FSTL4: variants seen among roughly 807,000 people sequenced by gnomAD.
FSTL4 encodes the protein follistatin like 4.
FSTL4 carries 28 observed loss-of-function variants against 78.2 expected under a neutral mutation model. That is an observed-to-expected ratio of 0.36 (90% CI 0.27 to 0.49). The LOEUF (loss-of-function observed/expected upper bound fraction) is 0.49, where lower values mean the gene tolerates loss of function less well. FSTL4 is among the 20% of genes least tolerant of loss of function. The pLI is 0.98. For missense variants in FSTL4, 922 were observed against 1,084.9 expected (o/e 0.85, Z 2.11); for synonymous variants, 422 against 440.5 (o/e 0.96, Z 0.53).
intron 2 of FSTL4, among the ~76,000 whole-genome samples, chr5:133,575,723 A>C (rs1760262258): frequency 6.6e-6 from 1 of 152,248 alleles, no homozygotes; most frequent in Admixed American, 6.5e-5. Flanking sequence ...CCCTGGATGC[A>C]TTGTCTAAGG....
At chr5:133,723,375 A>G in the FSTL4 span, among the ~76,000 whole-genome samples, 1 of 152,160 alleles carries the variant, frequency 6.6e-6, no homozygotes, top group Non-Finnish European at 1.5e-5. Context: ...TGGGATGCAG[A>G]ATCCATATGA....
chr5:133,579,461 A>C (rs1484696008), intron 2 of FSTL4, among the ~76,000 whole-genome samples: 1 of 152,178 alleles, frequency 6.6e-6, no homozygotes, highest in Non-Finnish European at 1.5e-5. Flanking sequence ...CTGTCGATCG[A>C]ACAAGCTTCT....
chr5:133,514,598 G>A (rs976872853), intron 3 of FSTL4, among the ~76,000 whole-genome samples: 1 of 152,164 alleles, frequency 6.6e-6, no homozygotes, highest in African/African-American at 2.4e-5. Flanking sequence ...CAAAGACATA[G>A]TTGTGGGAAA....
intron 6 of FSTL4, among the ~76,000 whole-genome samples, chr5:133,281,303 C>T (rs996462541): frequency 5.3e-5 from 8 of 152,278 alleles, no homozygotes; most frequent in African/African-American, 7.2e-5. Context: ...TGACTGTTGC[C>T]TGAAACCCTT....
intron 3 of FSTL4, among the ~76,000 whole-genome samples, chr5:133,438,547 AG>A (rs1757085160): frequency 6.6e-6 from 1 of 152,260 alleles, no homozygotes; most frequent in South Asian, 2.1e-4. Context: ...AAATAGATAC[AG>A]GGTGTGGAGG....
At chr5:133,529,676 C>G (rs934121036) in intron 3 of FSTL4, among the ~76,000 whole-genome samples, 1 of 152,200 alleles carries the variant, frequency 6.6e-6, no homozygotes, top group Non-Finnish European at 1.5e-5. Context: ...CCAACCCAGA[C>G]AGGGCATTTC....
chr5:133,646,964 G>T, the FSTL4 span, among the ~76,000 whole-genome samples: 1 of 152,240 alleles, frequency 6.6e-6, no homozygotes, highest in African/African-American at 2.4e-5. Context: ...GGAACCATTG[G>T]TCACCTAGAT....
At chr5:133,675,551 C>T in the FSTL4 span, among the ~76,000 whole-genome samples, 5 of 152,140 alleles carry the variant, frequency 3.3e-5, no homozygotes, top group South Asian at 2.1e-4. Context: ...TGAGAGAATC[C>T]GCTGTGTCAA....
At chr5:133,661,396 C>T in the FSTL4 span, among the ~76,000 whole-genome samples, 362 of 152,294 alleles carry the variant, frequency 2.4e-3, 1 homozygote, top group African/African-American at 8.1e-3. Context: ...GAGCTTCACT[C>T]GGTGGCGGTG....
the FSTL4 span, among the ~76,000 whole-genome samples, chr5:133,712,824 T>C: frequency 2.6e-5 from 4 of 152,152 alleles, no homozygotes; most frequent in African/African-American, 9.7e-5. Context: ...CTGTGTGGCA[T>C]CTGGAGGGTC....
the FSTL4 span, among the ~76,000 whole-genome samples, chr5:133,644,308 G>T: frequency 2.3e-3 from 349 of 151,982 alleles, 1 homozygote; most frequent in South Asian, 3.9e-3. Flanking sequence ...AGTCTTTTTT[G>T]TGTGTGTTTT....
At chr5:133,514,104 G>A (rs1013110233) in intron 3 of FSTL4, among the ~76,000 whole-genome samples, 4 of 151,504 alleles carry the variant, frequency 2.6e-5, no homozygotes, top group African/African-American at 7.3e-5. Flanking sequence ...GCGTGAATCC[G>A]GGAAGCGGAG....
At chr5:133,636,010 A>G in the FSTL4 span, among the ~76,000 whole-genome samples, 1 of 151,992 alleles carries the variant, frequency 6.6e-6, no homozygotes, top group African/African-American at 2.4e-5. Flanking sequence ...GTGAGCAGGG[A>G]CTCTGTGCTG....
the FSTL4 span, among the ~76,000 whole-genome samples, chr5:133,817,129 T>C: frequency 1.3e-5 from 2 of 152,262 alleles, no homozygotes; most frequent in Non-Finnish European, 2.9e-5. Context: ...ACTACCCCGC[T>C]GTGTTAAGCT....
intron 6 of FSTL4, among the ~76,000 whole-genome samples, chr5:133,297,497 T>C (rs1753426153): frequency 6.6e-6 from 1 of 152,236 alleles, no homozygotes; most frequent in East Asian, 1.9e-4. Context: ...TTAATCTCTC[T>C]GTGTCTCCGG....
In FSTL4 at chr5:133,549,287, C is replaced by A. The variant is rs139471828; in HGVS notation, c.160+17899G>T. Reference sequence around the variant, plus strand: ...CCTTGATAGCTTTGTCTCCTCCTTGCATTCTGGTTACATTTTCAGATGTAT... The same window carrying A: ...CCTTGATAGCTTTGTCTCCTCCTTGAATTCTGGTTACATTTTCAGATGTAT... On this transcript the variant is annotated intron_variant, in intron 3 of 15. Coordinates refer to ENST00000265342, the MANE Select transcript of FSTL4 (RefSeq NM_015082.2). 5.8e-4 allele frequency among the ~76,000 whole-genome samples: 88 copies of A among 152,262 alleles called. No individual in the cohort carries two copies. In the East Asian group the frequency reaches 0.014, roughly 24 times the overall value.
intron 10 of FSTL4, chr5:133,224,423 C>A (rs182327806): frequency 2.3e-6 from 1 of 431,496 alleles, no homozygotes; most frequent in East Asian, 3.6e-5. Flanking sequence ...GGTCTCCAGA[C>A]CCTTTGATTC....
At chr5:133,821,439 G>A in the FSTL4 span, among the ~76,000 whole-genome samples, 1 of 152,236 alleles carries the variant, frequency 6.6e-6, no homozygotes, top group Non-Finnish European at 1.5e-5. Flanking sequence ...GGCTTGCTGG[G>A]ACAATTCAAT....
At chr5:133,679,021 C>G in the FSTL4 span, among the ~76,000 whole-genome samples, 2 of 152,114 alleles carry the variant, frequency 1.3e-5, no homozygotes, top group Non-Finnish European at 2.9e-5. Context: ...AGCAACATAG[C>G]AAGGCTATAT....
Sources: allele counts gnomAD v4.1 joint callset (sites outside exome capture counted in the v4.1 genomes callset), GRCh38; gene constraint gnomAD v4.1.1; transcripts MANE v1.5; gene names NCBI Gene and HGNC (gene_info 2026-07-23, HGNC 2026-07-21).